The following DCC variants were observed in gnomAD, a reference collection of about 807,000 sequenced individuals.
DCC encodes the protein DCC netrin 1 receptor.
In DCC, 58 loss-of-function variants were observed where a neutral mutation model predicts 172.5. That is an observed-to-expected ratio of 0.34 (90% CI 0.27 to 0.42). DCC has a LOEUF of 0.42. Ranked by LOEUF, DCC falls within the 10% of genes least tolerant of loss-of-function variation. The probability of loss-of-function intolerance (pLI) is 1.00; values close to 1 mark genes in which losing one functional copy is unlikely to be tolerated. For missense variants in DCC, 1,740 were observed against 1,791.0 expected (o/e 0.97, Z 0.51); for synonymous variants, 709 against 644.5 (o/e 1.10, Z -1.52).
intron 17 of DCC, among the ~76,000 whole-genome samples, chr18:53,392,223 A>T (rs924579128): frequency 6.6e-6 from 1 of 151,478 alleles, no homozygotes; most frequent in African/African-American, 2.4e-5. Flanking sequence ...GGATTTTGGT[A>T]TCTTTTTTTT....
chr18:52,490,851 T>C (rs1052076162), intron 1 of DCC, among the ~76,000 whole-genome samples: 1 of 152,124 alleles, frequency 6.6e-6, no homozygotes, highest in Non-Finnish European at 1.5e-5. Context: ...AGCTTACCTA[T>C]GGCTTCTAAA....
intron 12 of DCC, among the ~76,000 whole-genome samples, chr18:53,253,207 T>C (rs571237359): frequency 6.6e-6 from 1 of 152,140 alleles, no homozygotes; most frequent in South Asian, 2.1e-4. Context: ...CTCTTTCTTT[T>C]ATATATTTCT....
intron 11 of DCC, among the ~76,000 whole-genome samples, chr18:53,212,153 A>G (rs1321523463): frequency 6.6e-6 from 1 of 152,126 alleles, no homozygotes; most frequent in African/African-American, 2.4e-5. Context: ...CTCATTTACA[A>G]TTATGGGGAC....
chr18:52,484,206 G>A (rs995307457), intron 1 of DCC, among the ~76,000 whole-genome samples: 1 of 152,034 alleles, frequency 6.6e-6, no homozygotes, highest in African/African-American at 2.4e-5. Context: ...TCACCATCCT[G>A]CTCAAAGGTA....
At chr18:52,847,689 T>C (rs2145333040) in intron 2 of DCC, among the ~76,000 whole-genome samples, 1 of 152,290 alleles carries the variant, frequency 6.6e-6, no homozygotes, top group Middle Eastern at 3.4e-3. Flanking sequence ...AAGAAAAAGC[T>C]TGATACATCC....
chr18:53,076,245 A>G (rs1165861480), intron 7 of DCC, among the ~76,000 whole-genome samples: 1 of 152,190 alleles, frequency 6.6e-6, no homozygotes, highest in African/African-American at 2.4e-5. Context: ...TTCTGAGTCT[A>G]CAAGCCTAGA....
At chr18:52,879,799 G>A (rs1405854737) in intron 2 of DCC, among the ~76,000 whole-genome samples, 3 of 151,996 alleles carry the variant, frequency 2.0e-5, no homozygotes, top group African/African-American at 7.2e-5. Flanking sequence ...GTAAACAAAT[G>A]GGCATAACTG....
At chr18:53,204,769 C>T (rs1042525466) in intron 9 of DCC, among the ~76,000 whole-genome samples, 5 of 152,142 alleles carry the variant, frequency 3.3e-5, no homozygotes, top group African/African-American at 9.7e-5. Context: ...GGTAAATTAT[C>T]CATAGCTGTG....
At chr18:53,038,296 T>C (rs923965811) in intron 5 of DCC, among the ~76,000 whole-genome samples, 1 of 151,994 alleles carries the variant, frequency 6.6e-6, no homozygotes, top group Non-Finnish European at 1.5e-5. Flanking sequence ...ATAATTACTA[T>C]TGTGTTAGAT....
intron 12 of DCC, among the ~76,000 whole-genome samples, chr18:53,302,615 A>G (rs964369025): frequency 1.3e-5 from 2 of 152,162 alleles, no homozygotes. Context: ...CCTGTTAAGG[A>G]AAACACAAAT....
intron 2 of DCC, among the ~76,000 whole-genome samples, chr18:52,811,584 G>A (rs2038200704): frequency 6.7e-6 from 1 of 149,566 alleles, no homozygotes; most frequent in South Asian, 2.2e-4. Flanking sequence ...TTGAGTAACT[G>A]GTGAAAGTTT....
At chr18:53,096,100 A>G (rs2043084050) in intron 7 of DCC, among the ~76,000 whole-genome samples, 1 of 152,090 alleles carries the variant, frequency 6.6e-6, no homozygotes, top group Admixed American at 6.6e-5. Context: ...GCACATGTAT[A>G]CATATGTAAC....
chr18:53,319,831 GC>G (rs1192485715), intron 13 of DCC, among the ~76,000 whole-genome samples: 2 of 150,990 alleles, frequency 1.3e-5, no homozygotes, highest in African/African-American at 4.9e-5. Context: ...ATAGATTACG[GC>G]AATATCTCTT....
At chr18:52,349,157 C>T (rs369037283) in intron 1 of DCC, among the ~76,000 whole-genome samples, 143 of 151,944 alleles carry the variant, frequency 9.4e-4, no homozygotes, top group Non-Finnish European at 1.5e-3. Context: ...GGGTTTCAAA[C>T]AAACGTATGT....
chr18:52,928,107 C>T (rs1249150477), intron 5 of DCC, among the ~76,000 whole-genome samples: 1 of 152,066 alleles, frequency 6.6e-6, no homozygotes, highest in African/African-American at 2.4e-5. Flanking sequence ...AGATCATGGC[C>T]TTTGCTGCAA....
At chr18:52,410,550 T>C (rs1165440216) in intron 1 of DCC, among the ~76,000 whole-genome samples, 1 of 152,170 alleles carries the variant, frequency 6.6e-6, no homozygotes, top group African/African-American at 2.4e-5. Flanking sequence ...GTGGTTGCTG[T>C]CATTCCTATT....
At chr18:52,434,468 C>T (rs368735070) in intron 1 of DCC, among the ~76,000 whole-genome samples, 134 of 152,220 alleles carry the variant, frequency 8.8e-4, no homozygotes, top group African/African-American at 3.0e-3. Flanking sequence ...TGTTAAATTG[C>T]TACAATTATC....
chr18:52,892,878 C>T (rs114095860), intron 2 of DCC, among the ~76,000 whole-genome samples: 3 of 152,080 alleles, frequency 2.0e-5, no homozygotes, highest in Admixed American at 2.0e-4. Context: ...CCAGTAGGTA[C>T]TTCCAAATTG....
intron 15 of DCC, among the ~76,000 whole-genome samples, chr18:53,368,792 G>C (rs569509953): frequency 1.4e-4 from 22 of 151,986 alleles, no homozygotes; most frequent in Admixed American, 1.2e-3. Flanking sequence ...CTATTCTGTT[G>C]ATTTATATCA....
Sources: allele counts gnomAD v4.1 joint callset (sites outside exome capture counted in the v4.1 genomes callset), GRCh38; gene constraint gnomAD v4.1.1; transcripts MANE v1.5; gene names NCBI Gene and HGNC (gene_info 2026-07-23, HGNC 2026-07-21).